Variants in PARP6 observed in about 807,000 individuals in gnomAD.
PARP6 encodes the protein protein mono-ADP-ribosyltransferase PARP6.
In PARP6, 27 loss-of-function variants were observed where a neutral mutation model predicts 92.0. The observed-to-expected ratio is 0.29, with a 90% CI of 0.22 to 0.40. PARP6 has a LOEUF of 0.40. PARP6 is among the 10% of genes least tolerant of loss of function. The pLI, the probability that PARP6 is intolerant of heterozygous loss-of-function variation, is 1.00. For missense variants in PARP6, 501 were observed against 784.5 expected (o/e 0.64, Z 4.32); for synonymous variants, 272 against 281.2 (o/e 0.97, Z 0.33).
In PARP6 at chr15:72,241,879, CCA is replaced by C; in HGVS notation, c.1790+20_1790+21del. The C allele has an allele frequency of 6.4e-7, 1 of 1,569,494 alleles. No homozygotes were observed. Among genetic ancestry groups the C allele is most frequent in the Non-Finnish European group, 8.8e-7 (1 of 1,139,604 alleles). On this transcript the variant is annotated intron_variant, in intron 23 of 23. Coordinates refer to ENST00000569795, the MANE Select transcript of PARP6 (RefSeq NM_001323532.2). The surrounding 1 kb of genome is among the most constrained non-coding windows in gnomAD (Gnocchi z 4.1). Reference sequence around the variant, plus strand: ...CCCAACCTCACTCCTCGAGTAATCCCCAGAGTCCCTCCGACACTTACACAAAG... The same window carrying C: ...CCCAACCTCACTCCTCGAGTAATCCCGAGTCCCTCCGACACTTACACAAAG...
At chr15:72,259,796 G>T in intron 10 of PARP6, 135 bp from the exon 11 acceptor site, 2 of 734,134 alleles carry the variant, frequency 2.7e-6, no homozygotes, top group Non-Finnish European at 2.3e-6. Flanking sequence ...CTAGAAAGGA[G>T]ACTTTTAGAC....
intron 2 of PARP6, among the ~76,000 whole-genome samples, chr15:72,269,431 G>A (rs933747009): frequency 3.3e-5 from 5 of 152,064 alleles, no homozygotes; most frequent in African/African-American, 1.2e-4. Flanking sequence ...AAAGTGTTGG[G>A]ATTACAGATG....
intron 10 of PARP6, among the ~76,000 whole-genome samples, 172 bp from the exon 11 acceptor site, chr15:72,259,833 G>A (rs1416676961): frequency 6.6e-6 from 1 of 152,212 alleles, no homozygotes; most frequent in Admixed American, 6.5e-5. Context: ...CTGGAAAGGG[G>A]CTCACCTGTC....
intron 1 of PARP6, among the ~76,000 whole-genome samples, chr15:72,271,588 C>T (rs1426424694): frequency 6.6e-6 from 1 of 152,152 alleles, no homozygotes; most frequent in Non-Finnish European, 1.5e-5. Context: ...CTACAGAGGT[C>T]GACCAATTTG....
chr15:72,262,387 TC>T (rs1291255609), intron 8 of PARP6, among the ~76,000 whole-genome samples: 2 of 152,306 alleles, frequency 1.3e-5, no homozygotes, highest in African/African-American at 4.8e-5. Flanking sequence ...CCTACCTTGA[TC>T]CCTCCATTCT....
At chr15:72,245,082 G>C (rs1382685100) in intron 20 of PARP6, 1 of 150,640 alleles carries the variant, frequency 6.6e-6, no homozygotes, top group Non-Finnish European at 1.5e-5. Flanking sequence ...GCCCCCATGG[G>C]CCAGGCACAG....
chr15:72,267,121 C>T, intron 3 of PARP6: 1 of 512,566 alleles, frequency 2.0e-6, no homozygotes, highest in Non-Finnish European at 3.5e-6. Flanking sequence ...GAAAGAAATG[C>T]AAATGACTTC....
At chr15:72,255,425 T>C (rs983695905) in intron 14 of PARP6, among the ~76,000 whole-genome samples, 3 of 152,064 alleles carry the variant, frequency 2.0e-5, no homozygotes, top group African/African-American at 7.2e-5. Context: ...GCTAATTTTT[T>C]GTATTTTCAG....
Position 72,249,273 on chromosome 15 carries a change from G to A in PARP6, c.1533C>T (p.Pro511=), listed in dbSNP as rs1302450610. The change falls in exon 20 of 24, where the codon CCC becomes CCT. Residue 511 remains proline (P), a synonymous_variant. Transcript: ENST00000569795. ...AAYGKGIYLS[P]ISSISFGYSG... is the part of the protein sequence containing the mutation. ...AGTATCCAAAGGAAATACTGGAGAT[G>A]GGGCTCAGGTAGATGCCTTTGCCAT... 2 of 1,603,210 alleles carry A rather than the reference G, an allele frequency of 1.2e-6. No homozygotes were observed. The highest frequency in any genetic ancestry group is 1.7e-6 in the Non-Finnish European group (2 of 1,171,478).
rs2084830019 is a variant in PARP6 at position 72,254,663 on chromosome 15, C to T, written c.1126-143G>A. On this transcript the variant is annotated intron_variant, in intron 14 of 23. Transcript: ENST00000569795. ...TCATGGAAAGAGCATTAATGTCAGA[C>T]AGTTCTAGGGGCACATGCTAGTTCT... The T allele has an allele frequency of 1.2e-5, 8 of 640,916 alleles. No homozygotes were observed. In the East Asian group the frequency reaches 2.1e-4, roughly 17 times the overall value. The allele number at this position is 640,916 out of a possible 1,614,324, so 39.7% of individuals were successfully genotyped here. A position where few individuals can be genotyped will look rare whatever the true frequency, so the allele number is the denominator to read the frequency against.
At position 72,242,732 on chromosome 15, in the gene PARP6, C is replaced by T. The variant is rs200043553; in HGVS notation, c.1562-33G>A. 6.8e-7 allele frequency: 1 copy of T among 1,463,170 alleles called. No homozygotes were observed. Among genetic ancestry groups the T allele is most frequent in the African/African-American group, 1.4e-5 (1 of 71,576 alleles). The allele number at this position is 1,463,170 out of a possible 1,614,324, so 90.6% of individuals were successfully genotyped here. On this transcript the variant is annotated intron_variant, in intron 20 of 23. Coordinates refer to ENST00000569795, the MANE Select transcript of PARP6 (RefSeq NM_001323532.2). This position sits in a 1 kb window ranked among gnomAD's most constrained non-coding sequence, Gnocchi z 4.3. ...AGAACAATACACCCACTTCATTTAT[C>T]AAAAATTTACGAAAGTGCCTACTAT...
chr15:72,267,524 C>A lies in PARP6; in HGVS notation c.-47G>T, dbSNP rs753889923. ...CTCTCAGGTCAGTGCTAGGCAGCACCCCTCCATACCACTAGCCGAACCAAG... is the reference window on the plus strand; with the variant it reads ...CTCTCAGGTCAGTGCTAGGCAGCACACCTCCATACCACTAGCCGAACCAAG... On this transcript the variant is annotated 5_prime_UTR_variant, in exon 3 of 24. Coordinates refer to ENST00000569795, the MANE Select transcript of PARP6 (RefSeq NM_001323532.2). 1.2e-6 allele frequency: 2 copies of A among 1,612,150 alleles called. No homozygotes were observed. The highest frequency in any genetic ancestry group is 1.7e-6 in the Non-Finnish European group (2 of 1,178,364).
intron 5 of PARP6, among the ~76,000 whole-genome samples, 159 bp downstream of exon 5, chr15:72,265,738 A>T (rs1384916904): frequency 6.6e-6 from 1 of 152,154 alleles, no homozygotes. Flanking sequence ...AAGTGGCCTT[A>T]CTCTCTACTC....
rs763284770 is a variant in PARP6, at chr15:72,241,219, CA to C, written c.*235del. The C allele has an allele frequency of 2.2e-5, 14 of 642,930 alleles. No individual in the cohort carries two copies. The highest frequency in any genetic ancestry group is 2.1e-4 in the South Asian group (14 of 66,140). The allele number at this position is 642,930 out of a possible 1,614,324, so 39.8% of individuals were successfully genotyped here. The stretch of plus-strand genomic sequence containing the variant: ...ACCTTCCATTTTATTGTTTTATTTA[CA>C]AACAGGGTGAAGTCAAAGGGAAAGT... On this transcript the variant is annotated 3_prime_UTR_variant, in exon 24 of 24. Transcript: ENST00000569795. This position sits in a 1 kb window ranked among gnomAD's most constrained non-coding sequence, Gnocchi z 4.1.
chr15:72,263,588 C>A (rs961288570), intron 8 of PARP6, among the ~76,000 whole-genome samples: 1 of 152,084 alleles, frequency 6.6e-6, no homozygotes, highest in Non-Finnish European at 1.5e-5. Flanking sequence ...GGCTCCTACA[C>A]CCCCAGCTTG....
intron 18 of PARP6, 49 bp downstream of exon 18, chr15:72,250,796 C>T: frequency 1.1e-6 from 1 of 912,424 alleles, no homozygotes; most frequent in Non-Finnish European, 1.8e-6. Context: ...CCTTCTTGCT[C>T]ATCCCCGCCC....
intron 20 of PARP6, among the ~76,000 whole-genome samples, chr15:72,247,955 G>C (rs7169264): frequency 0.67 from 101,965 of 151,824 alleles, 35,297 homozygotes; most frequent in Non-Finnish European, 0.76. Context: ...ATTTTTAGTA[G>C]AGACAGGATT....
rs766880727 is a variant in PARP6 at position 72,242,636 on chromosome 15, A to T, written c.1625T>A (p.Met542Lys). Residue 542 changes from methionine to lysine, a missense_variant, in exon 21 of 24, where the codon ATG becomes AAG. Coordinates refer to ENST00000569795, the MANE Select transcript of PARP6 (RefSeq NM_001323532.2). This position sits in a 1 kb window ranked among gnomAD's most constrained non-coding sequence, Gnocchi z 4.3. ...TTCCAATACCTGGGGGATGGTATTCATCCTGTTGTATCTCTGGACCAGCTC... is the reference window on the plus strand; with the variant it reads ...TTCCAATACCTGGGGGATGGTATTCTTCCTGTTGTATCTCTGGACCAGCTC... Reference protein sequence around the residue: ...KDELVQRYNRMNTIPQTRSIQ... With the variant: ...KDELVQRYNRKNTIPQTRSIQ... 9 of 1,608,932 alleles carry T rather than the reference A, an allele frequency of 5.6e-6. No homozygotes were observed. The highest frequency in any genetic ancestry group is 6.0e-6 in the Non-Finnish European group (7 of 1,175,282).
chr15:72,266,773 T>A lies in PARP6; in HGVS notation c.53A>T (p.Glu18Val). 6.2e-7 allele frequency: 1 copy of A among 1,614,026 alleles called. No individual in the cohort carries two copies. Among genetic ancestry groups the A allele is most frequent in the African/African-American group, 1.3e-5 (1 of 75,044 alleles). The change falls in exon 4 of 24, where the codon GAA (glutamate) becomes GTA (valine). Residue 18 changes from glutamate (E) to valine (V), a missense_variant. Coordinates refer to ENST00000569795, the MANE Select transcript of PARP6 (RefSeq NM_001323532.2). Reference protein sequence around the residue: ...WNDDDSEGDNESEEFLYGVQG... With the variant: ...WNDDDSEGDNVSEEFLYGVQG... ...AACGCCATAGAGAAATTCCTCTGAT[T>A]CATTATCTCCCTCCGAGTCGTCATC...
Sources: allele counts gnomAD v4.1 joint callset (sites outside exome capture counted in the v4.1 genomes callset), GRCh38; gene constraint gnomAD v4.1.1; non-coding constraint Gnocchi (gnomAD v3.1); transcripts MANE v1.5; gene names NCBI Gene and HGNC (gene_info 2026-07-23, HGNC 2026-07-21).